The following RGL1 variants were observed in gnomAD, a reference collection of about 807,000 sequenced individuals.
RGL1 encodes the protein ral guanine nucleotide dissociation stimulator-like 1.
Under a neutral mutation model 95.2 loss-of-function variants are expected in RGL1, and 24 were observed. The ratio of observed to expected loss-of-function variants is 0.25; its 90% CI spans 0.18 to 0.35. The LOEUF is 0.35. Ranked by LOEUF, RGL1 falls within the 10% of genes least tolerant of loss-of-function variation. RGL1 has a pLI of 1.00. For synonymous variants in RGL1, 329 were observed against 344.9 expected (o/e 0.95, Z 0.51); for missense variants, 715 against 936.3 (o/e 0.76, Z 3.08).
intron 1 of RGL1, among the ~76,000 whole-genome samples, chr1:183,685,297 C>G (rs1422944968): frequency 6.6e-6 from 1 of 152,176 alleles, no homozygotes; most frequent in African/African-American, 2.4e-5. Flanking sequence ...TCAGCAGTGC[C>G]ATCTTGTGGT....
intron 3 of RGL1, among the ~76,000 whole-genome samples, chr1:183,865,153 T>C (rs1415707969): frequency 2.0e-5 from 3 of 152,222 alleles, no homozygotes; most frequent in Non-Finnish European, 4.4e-5. Context: ...GTTTACTAAG[T>C]TTACATTCCA....
At chr1:183,648,488 G>C in intron 1 of RGL1, 1 of 1,614,186 alleles carries the variant, frequency 6.2e-7, no homozygotes, top group Non-Finnish European at 8.5e-7. Flanking sequence ...TCATTTCAAA[G>C]AGCATTGATT....
Position 183,900,158 on chromosome 1 carries a change from G to T in RGL1, c.1239G>T (p.Met413Ile). The T allele has an allele frequency of 6.2e-7, 1 of 1,613,644 alleles. No homozygotes were observed. Among genetic ancestry groups the T allele is most frequent in the Non-Finnish European group, 8.5e-7 (1 of 1,179,594 alleles). The part of the protein sequence containing the change: ...RLQLQKDMGV[M>I]QGTVPYLGTF... ...CTTTGGATGCTCTTCAGGGTGTGAT[G>T]CAGGGAACTGTGCCCTACCTGGGCA... Residue 413 changes from methionine (M) to isoleucine (I), a missense_variant, in exon 11 of 18, where the codon ATG becomes ATT. Met to Ile is a conservative substitution (Grantham distance 10, BLOSUM62 1). Around this residue, in one of 3 missense-constraint regions of RGL1, gnomAD observed 4 missense variants for 22.0 expected, o/e 0.18. Coordinates refer to ENST00000360851, the MANE Select transcript of RGL1 (RefSeq NM_001297671.3).
intron 1 of RGL1, among the ~76,000 whole-genome samples, chr1:183,708,478 A>G (rs2182596): frequency 0.48 from 72,188 of 151,918 alleles, 17,779 homozygotes; most frequent in East Asian, 0.76. Context: ...CATGACCTCT[A>G]TGTTATCCTC....
chr1:183,711,898 A>T (rs1240149455), intron 1 of RGL1, among the ~76,000 whole-genome samples: 1 of 152,210 alleles, frequency 6.6e-6, no homozygotes, highest in African/African-American at 2.4e-5. Context: ...CAAGAGCTAA[A>T]TCGTTAGTCA....
intron 2 of RGL1, among the ~76,000 whole-genome samples, chr1:183,764,844 A>C (rs1050519493): frequency 7.9e-5 from 12 of 152,318 alleles, no homozygotes; most frequent in African/African-American, 2.9e-4. Flanking sequence ...GGACTAACCT[A>C]CCTGAAAAAT....
intron 2 of RGL1, among the ~76,000 whole-genome samples, chr1:183,826,026 A>AGTC (rs1662823359): frequency 7.5e-6 from 1 of 133,812 alleles, no homozygotes; most frequent in Non-Finnish European, 1.7e-5. Context: ...TCAATCAATC[A>AGTC]ATCAATCGCA....
At chr1:183,826,190 A>G (rs1662843066) in intron 2 of RGL1, among the ~76,000 whole-genome samples, 1 of 151,756 alleles carries the variant, frequency 6.6e-6, no homozygotes, top group Admixed American at 6.6e-5. Flanking sequence ...AGTAGCTGGG[A>G]CTACAGGCGC....
At chr1:183,876,012 A>G (rs1298225181) in intron 4 of RGL1, among the ~76,000 whole-genome samples, 1 of 151,846 alleles carries the variant, frequency 6.6e-6, no homozygotes, top group African/African-American at 2.4e-5. Flanking sequence ...CCTCTGCCTC[A>G]TTGCTGCCCC....
intron 1 of RGL1, among the ~76,000 whole-genome samples, chr1:183,739,329 A>T (rs1657142013): frequency 6.6e-6 from 1 of 152,258 alleles, no homozygotes; most frequent in African/African-American, 2.4e-5. Flanking sequence ...AGGAAGGAGC[A>T]TGAGAAGGAG....
At chr1:183,747,866 A>C (rs1657742377) in intron 2 of RGL1, among the ~76,000 whole-genome samples, 1 of 152,140 alleles carries the variant, frequency 6.6e-6, no homozygotes, top group African/African-American at 2.4e-5. Context: ...GTTAGGGAGG[A>C]GTCCCTCTTT....
At position 183,901,999 on chromosome 1, in the gene RGL1, C is replaced by T. The variant is rs80039155; in HGVS notation, c.1318-569C>T. On this transcript the variant is annotated intron_variant, in intron 11 of 17. Transcript: ENST00000360851. ...GTGGACACATTTATTCATTTTGCAT[C>T]TCCTGACTTCTATGTCTCTTCACAT... Among the ~76,000 whole-genome samples the T allele has an allele frequency of 4.3e-3, 660 of 152,286 alleles. 5 individuals carry two copies. The highest frequency in any genetic ancestry group is 0.01 in the Middle Eastern group (3 of 294).
At chr1:183,777,039 A>G (rs1172652301) in intron 2 of RGL1, among the ~76,000 whole-genome samples, 1 of 152,170 alleles carries the variant, frequency 6.6e-6, no homozygotes, top group African/African-American at 2.4e-5. Flanking sequence ...TCTCCTACAC[A>G]TTTTCAACCT....
intron 3 of RGL1, among the ~76,000 whole-genome samples, chr1:183,852,705 C>T (rs775334748): frequency 5.3e-5 from 8 of 151,894 alleles, no homozygotes; most frequent in South Asian, 2.1e-4. Context: ...CCTAGCTACT[C>T]GGGAGGCTGA....
intron 4 of RGL1, among the ~76,000 whole-genome samples, chr1:183,868,046 T>C (rs1665944396): frequency 6.6e-6 from 1 of 152,228 alleles, no homozygotes; most frequent in South Asian, 2.1e-4. Flanking sequence ...ACAATTCTTT[T>C]GTTTTTAGAA....
At chr1:183,643,626 T>C (rs1650093057) in intron 1 of RGL1, among the ~76,000 whole-genome samples, 1 of 152,164 alleles carries the variant, frequency 6.6e-6, no homozygotes, top group South Asian at 2.1e-4. Flanking sequence ...TACTTTACTT[T>C]TTTAAATAGA....
intron 2 of RGL1, among the ~76,000 whole-genome samples, chr1:183,745,373 T>A (rs34484934): frequency 0.44 from 67,272 of 151,496 alleles, 16,145 homozygotes; most frequent in East Asian, 0.76. Flanking sequence ...CCTTATGGTT[T>A]GTGTTTTTTC....
chr1:183,913,320 C>T (rs150098736), intron 15 of RGL1, among the ~76,000 whole-genome samples: 2,645 of 151,164 alleles, frequency 0.017, 98 homozygotes, highest in African/African-American at 0.062. Flanking sequence ...CTCAGCCTCC[C>T]GAGTAGCTGG....
At chr1:183,890,251 T>G (rs998797423) in intron 8 of RGL1, among the ~76,000 whole-genome samples, 2 of 152,038 alleles carry the variant, frequency 1.3e-5, no homozygotes, top group Non-Finnish European at 2.9e-5. Flanking sequence ...AAAAGAACAC[T>G]AAGGAAAGTC....
Sources: gnomAD v4.1 joint callset for allele counts (sites outside exome capture counted in the v4.1 genomes callset) on GRCh38, gnomAD v4.1.1 for gene constraint, gnomAD v4.1.1 regional missense constraint, MANE v1.5 for transcripts, NCBI Gene and HGNC (gene_info 2026-07-23, HGNC 2026-07-21) for gene names.